The following TTC39C variants were observed in gnomAD, a reference collection of about 807,000 sequenced individuals.
The protein encoded by TTC39C is tetratricopeptide repeat protein 39C.
TTC39C carries 33 observed loss-of-function variants against 76.3 expected under a neutral mutation model. The ratio of observed to expected loss-of-function variants is 0.43; its 90% CI spans 0.33 to 0.58. The LOEUF (loss-of-function observed/expected upper bound fraction) is 0.58. Ranked by LOEUF, TTC39C falls within the 20% of genes least tolerant of loss-of-function variation. The probability of loss-of-function intolerance (pLI) is 0.04; values close to 1 mark genes in which losing one functional copy is unlikely to be tolerated. For synonymous variants in TTC39C, 254 were observed against 260.6 expected, an observed-to-expected ratio of 0.97 and a Z score of 0.24; for missense variants, 595 against 701.4, an observed-to-expected ratio of 0.85 and a Z score of 1.71.
intron 8 of TTC39C, among the ~76,000 whole-genome samples, chr18:24,122,618 A>C (rs2084984682): frequency 6.6e-6 from 1 of 151,972 alleles, no homozygotes; most frequent in Admixed American, 6.6e-5. Flanking sequence ...ATTCCGCAGC[A>C]TCAGAGTTGG....
At chr18:24,120,710 G>A (rs982419955) in intron 8 of TTC39C, among the ~76,000 whole-genome samples, 2 of 151,924 alleles carry the variant, frequency 1.3e-5, no homozygotes, top group African/African-American at 4.8e-5. Flanking sequence ...CGTTTTCCCC[G>A]AGACCCTGGT....
intron 1 of TTC39C, among the ~76,000 whole-genome samples, chr18:24,032,383 C>T (rs1383595029): frequency 2.0e-5 from 3 of 152,122 alleles, no homozygotes; most frequent in African/African-American, 7.2e-5. Flanking sequence ...ACCGTCACTG[C>T]CTTATCTCAT....
At chr18:24,102,882 G>A (rs1202245131) in intron 6 of TTC39C, among the ~76,000 whole-genome samples, 4 of 152,182 alleles carry the variant, frequency 2.6e-5, no homozygotes, top group African/African-American at 7.2e-5. Context: ...CAAGGTGGGA[G>A]GACTGCTTGA....
intron 1 of TTC39C, 47 bp from the exon 2 acceptor site, chr18:24,064,092 CA>C: frequency 6.2e-7 from 1 of 1,601,362 alleles, no homozygotes; most frequent in Non-Finnish European, 8.5e-7. Flanking sequence ...TAAAATTTTA[CA>C]GTGAAAATAA....
rs2084364838 is a variant in TTC39C at position 24,080,674 on chromosome 18, C to G, written c.550C>G (p.Gln184Glu). Residue 184 changes from glutamine (Q) to glutamate (E), a missense_variant, in exon 5 of 14, where the codon CAG (glutamine) becomes GAG (glutamate). Coordinates refer to ENST00000317571, the MANE Select transcript of TTC39C (RefSeq NM_001135993.2). ...CATCAATGCCCTTCAGGAGCTGTAT[C>G]AGAAGAAGCTAACTGAAGAGTCCTT... is the stretch of plus-strand genomic sequence containing the variant. ...LDINALQELYQKKLTEESLTS... is the reference protein window; with the variant it reads ...LDINALQELYEKKLTEESLTS... 5 of 1,614,124 alleles carry G rather than the reference C, an allele frequency of 3.1e-6. No homozygotes were observed. Among genetic ancestry groups the G allele is most frequent in the Non-Finnish European group, 3.4e-6 (4 of 1,179,996 alleles).
chr18:23,995,461 C>A lies in TTC39C; in HGVS notation c.-17+2423C>A, dbSNP rs562523057. ...CTTCAGCTTGGGCGACAGAGTGAGACTCTGTCTCTAAATGAATAAATAAAT... is the reference window on the plus strand; with the variant it reads ...CTTCAGCTTGGGCGACAGAGTGAGAATCTGTCTCTAAATGAATAAATAAAT... On this transcript the variant is annotated intron_variant, in intron 1 of 13. Coordinates refer to the TTC39C transcript ENST00000304621. Among the ~76,000 whole-genome samples, 3 of 152,130 alleles carry A rather than the reference C, an allele frequency of 2.0e-5. No homozygotes were observed. In the South Asian group the frequency reaches 6.2e-4, roughly 32 times the overall value.
intron 1 of TTC39C, among the ~76,000 whole-genome samples, chr18:24,040,953 G>A (rs2083785583): frequency 6.6e-6 from 1 of 152,180 alleles, no homozygotes; most frequent in Admixed American, 6.5e-5. Context: ...GATTGTAGGA[G>A]GGATTATGCA....
intron 1 of TTC39C, among the ~76,000 whole-genome samples, chr18:24,022,303 C>CTCA (rs1189342863): frequency 6.7e-6 from 1 of 149,560 alleles, no homozygotes; most frequent in Admixed American, 6.7e-5. Context: ...TGTGGGCTGG[C>CTCA]ATTGAGCCAG....
chr18:24,021,120 A>G (rs2083512493), intron 1 of TTC39C, among the ~76,000 whole-genome samples: 1 of 152,174 alleles, frequency 6.6e-6, no homozygotes, highest in Non-Finnish European at 1.5e-5. Flanking sequence ...AGAGGCTACG[A>G]AGGACTCAGG....
At position 24,118,154 on chromosome 18, in the gene TTC39C, A is replaced by G. The variant is rs62089609; in HGVS notation, c.1108A>G (p.Lys370Glu). The G allele has an allele frequency of 6.6e-4, 1,063 of 1,613,826 alleles. No homozygotes were observed. Among genetic ancestry groups the G allele is most frequent in the Non-Finnish European group, 8.7e-4 (1,021 of 1,179,972 alleles). ...GWCSMIELNF[K>E]DAFDSFERLK... ...GTGCAGCATGATAGAGCTCAATTTC[A>G]AGGATGCATTTGATTCCTTTGAGAG... Residue 370 changes from lysine (K) to glutamate (E), a missense_variant, in exon 8 of 14, where the codon AAG becomes GAG. Transcript: ENST00000317571.
At chr18:24,097,948 T>TA (rs2084610630) in intron 6 of TTC39C, among the ~76,000 whole-genome samples, 1 of 152,150 alleles carries the variant, frequency 6.6e-6, no homozygotes, top group Non-Finnish European at 1.5e-5. Context: ...TATTTTGGTG[T>TA]AAAAAAATTT....
At chr18:24,027,010 G>A (rs1346898747) in intron 1 of TTC39C, among the ~76,000 whole-genome samples, 2 of 152,118 alleles carry the variant, frequency 1.3e-5, no homozygotes, top group Admixed American at 1.3e-4. Flanking sequence ...TTAAGAAATC[G>A]GCTGGGCACA....
chr18:24,112,404 C>G (rs571185097), intron 6 of TTC39C, among the ~76,000 whole-genome samples: 1 of 152,308 alleles, frequency 6.6e-6, no homozygotes, highest in Non-Finnish European at 1.5e-5. Context: ...CCTTGTTGAC[C>G]TTGACCAAGC....
At chr18:24,051,721 G>T (rs1455576676) in intron 1 of TTC39C, among the ~76,000 whole-genome samples, 2 of 152,196 alleles carry the variant, frequency 1.3e-5, no homozygotes, top group Admixed American at 6.5e-5. Context: ...GCTATCTTCT[G>T]GTAAAGGAAA....
At chr18:24,001,017 A>G (rs2145625731) in intron 1 of TTC39C, among the ~76,000 whole-genome samples, 1 of 152,264 alleles carries the variant, frequency 6.6e-6, no homozygotes, top group South Asian at 2.1e-4. Flanking sequence ...TGTCCACCCA[A>G]TTTTGAGATT....
chr18:24,083,087 G>A lies in TTC39C; in HGVS notation c.984+6G>A. ...GACGGATACAACGACTAGAGGTACTGTACCTTCCTCATCTTTTTAAAATAA... is the reference window on the plus strand; with the variant it reads ...GACGGATACAACGACTAGAGGTACTATACCTTCCTCATCTTTTTAAAATAA... On this transcript the variant is annotated splice_donor_region_variant and intron_variant, in intron 6 of 13. Coordinates refer to ENST00000317571, the MANE Select transcript of TTC39C (RefSeq NM_001135993.2). The A allele has an allele frequency of 1.3e-6, 2 of 1,596,274 alleles. No individual in the cohort carries two copies. The highest frequency in any genetic ancestry group is 1.7e-6 in the Non-Finnish European group (2 of 1,170,492).
chr18:24,072,233 G>T (rs1421456735), intron 4 of TTC39C, among the ~76,000 whole-genome samples: 1 of 151,320 alleles, frequency 6.6e-6, no homozygotes, highest in Non-Finnish European at 1.5e-5. Context: ...GGGGCCAGGG[G>T]CACACACACA....
chr18:24,086,721 C>T (rs1276143990), intron 6 of TTC39C, among the ~76,000 whole-genome samples: 2 of 152,170 alleles, frequency 1.3e-5, no homozygotes, highest in Admixed American at 6.5e-5. Context: ...CCTTCTCTGC[C>T]CACTTGTGTT....
chr18:24,107,423 T>A (rs1388392713), intron 6 of TTC39C, among the ~76,000 whole-genome samples: 3 of 152,178 alleles, frequency 2.0e-5, no homozygotes, highest in East Asian at 1.9e-4. Flanking sequence ...AATTTCCTCT[T>A]GAATTTTGGT....
Sources: allele counts gnomAD v4.1 joint callset (sites outside exome capture counted in the v4.1 genomes callset), GRCh38; gene constraint gnomAD v4.1.1; transcripts MANE v1.5; gene names NCBI Gene and HGNC (gene_info 2026-07-23, HGNC 2026-07-21).